The following MRC1 variants were observed in gnomAD, a reference collection of about 807,000 sequenced individuals.
The protein encoded by MRC1 is macrophage mannose receptor 1.
MRC1 carries 62 observed loss-of-function variants against 102.9 expected under a neutral mutation model. That is an observed-to-expected ratio of 0.60 (90% CI 0.49 to 0.74). The LOEUF (loss-of-function observed/expected upper bound fraction) is 0.74, where lower values mean the gene tolerates loss of function less well. Ranked by LOEUF, MRC1 falls within the 30% of genes least tolerant of loss-of-function variation. The pLI is 0.00. For missense variants in MRC1, 1,237 were observed against 862.8 expected (o/e 1.43, Z -5.43); for synonymous variants, 457 against 298.4 (o/e 1.53, Z -5.48).
chr10:17,866,664 C>A lies in MRC1; in HGVS notation c.1886C>A (p.Ala629Glu), dbSNP rs1205476782. Reference sequence around the variant, plus strand: ...GCAAAATTTGTGTGCAAGCACTGGGCAGAAGGAGTAACCCACCCACCGAAG... The same window carrying A: ...GCAAAATTTGTGTGCAAGCACTGGGAAGAAGGAGTAACCCACCCACCGAAG... ...EKAKFVCKHW[A>E]EGVTHPPKPT... The change falls in exon 12 of 30, where the codon GCA (alanine) becomes GAA (glutamate). Residue 629 changes from alanine (A) to glutamate (E), a missense_variant. By Grantham distance (107) the Ala-to-Glu change is moderately radical. Coordinates refer to ENST00000569591, the MANE Select transcript of MRC1 (RefSeq NM_002438.4). 3 of 780,662 alleles carry A rather than the reference C, an allele frequency of 3.8e-6. No homozygotes were observed. The highest frequency in any genetic ancestry group is 4.8e-6 in the Non-Finnish European group (2 of 417,956). 48.4% of individuals were successfully genotyped at this position (780,662 alleles called of 1,614,324 possible).
At chr10:17,868,325 G>T (rs894641107) in intron 12 of MRC1, among the ~76,000 whole-genome samples, 36 of 152,280 alleles carry the variant, frequency 2.4e-4, no homozygotes, top group Non-Finnish European at 3.4e-4. Flanking sequence ...CATGGTGGAA[G>T]GGGAAGCAGG....
At chr10:17,848,940 C>T (rs939148820) in intron 6 of MRC1, among the ~76,000 whole-genome samples, 3 of 152,136 alleles carry the variant, frequency 2.0e-5, no homozygotes, top group Non-Finnish European at 4.4e-5. Flanking sequence ...ACTAACCTGC[C>T]TCTCAAGAGT....
chr10:17,877,829 G>C, intron 17 of MRC1, 71 bp from the exon 18 acceptor site: 1 of 866,614 alleles, frequency 1.2e-6, no homozygotes, highest in East Asian at 2.4e-5. Flanking sequence ...TCATTAACAT[G>C]TATGTTTTGT....
chr10:17,822,589 C>G (rs1554838347), intron 1 of MRC1, among the ~76,000 whole-genome samples: 4 of 152,212 alleles, frequency 2.6e-5, no homozygotes, highest in Non-Finnish European at 1.5e-5. Flanking sequence ...CCACTGCACT[C>G]CAGCCTGAGC....
At chr10:17,820,128 T>C (rs1838373688) in intron 1 of MRC1, among the ~76,000 whole-genome samples, 3 of 152,266 alleles carry the variant, frequency 2.0e-5, no homozygotes, top group African/African-American at 7.2e-5. Context: ...ATTGAAATGA[T>C]CATCTCATCT....
rs998964634 is a variant in MRC1 at position 17,863,537 on chromosome 10, T to C, written c.1638T>C (p.Tyr546=). 20 of 780,738 alleles carry C rather than the reference T, an allele frequency of 2.6e-5. No homozygotes were observed. Among genetic ancestry groups the C allele is most frequent in the African/African-American group, 2.0e-4 (12 of 59,152 alleles). The allele number at this position is 780,738 out of a possible 1,614,324, so 48.4% of individuals were successfully genotyped here. Residue 546 remains tyrosine (Y), a synonymous_variant, in exon 11 of 30, where the codon TAT becomes TAC. Coordinates refer to ENST00000569591, the MANE Select transcript of MRC1 (RefSeq NM_002438.4). Reference sequence around the variant, plus strand: ...ATGTTAATTCTTCTTTTTAAAGATATGAACAAGCCTTCCTGACTAGTTTCG... The same window carrying C: ...ATGTTAATTCTTCTTTTTAAAGATACGAACAAGCCTTCCTGACTAGTTTCG... The part of the protein sequence containing the change: ...NAYLTTIEDR[Y]EQAFLTSFVG...
intron 6 of MRC1, 85 bp downstream of exon 6, chr10:17,845,520 T>C: frequency 1.3e-6 from 1 of 767,774 alleles, no homozygotes; most frequent in African/African-American, 1.7e-5. Context: ...ACTGTTGGAA[T>C]GCCGCCAGAG....
chr10:17,889,808 T>C (rs1833648719), intron 22 of MRC1, among the ~76,000 whole-genome samples: 2 of 152,264 alleles, frequency 1.3e-5, no homozygotes, highest in African/African-American at 2.4e-5. Context: ...ATATTATTCA[T>C]AGTTGTTTAA....
At chr10:17,888,634 T>C (rs1167643187) in intron 22 of MRC1, among the ~76,000 whole-genome samples, 1 of 152,204 alleles carries the variant, frequency 6.6e-6, no homozygotes, top group African/African-American at 2.4e-5. Context: ...GAATAGTTTA[T>C]GTGTTTTCTA....
chr10:17,903,063 T>C (rs1833850011), intron 26 of MRC1, among the ~76,000 whole-genome samples: 1 of 152,248 alleles, frequency 6.6e-6, no homozygotes, highest in African/African-American at 2.4e-5. Flanking sequence ...CTTTTTTGGC[T>C]ATTGTTTGCT....
intron 3 of MRC1, among the ~76,000 whole-genome samples, chr10:17,828,124 T>G (rs1006933057): frequency 3.9e-5 from 6 of 152,208 alleles, no homozygotes; most frequent in Admixed American, 2.0e-4. Context: ...TCTCCCAGGC[T>G]GGAGTGTGGT....
intron 18 of MRC1, among the ~76,000 whole-genome samples, chr10:17,878,312 A>ATAACCTTGC (rs1453708294): frequency 1.3e-5 from 2 of 152,192 alleles, no homozygotes; most frequent in African/African-American, 2.4e-5. Flanking sequence ...ATCTGGGATG[A>ATAACCTTGC]TAACCTTGCT....
chr10:17,834,011 A>C (rs991478295), intron 4 of MRC1, among the ~76,000 whole-genome samples, 172 bp downstream of exon 4: 33 of 152,220 alleles, frequency 2.2e-4, no homozygotes, highest in African/African-American at 7.2e-4. Context: ...AGGGATGGCA[A>C]ATAGCTCTCA....
intron 11 of MRC1, among the ~76,000 whole-genome samples, chr10:17,864,311 T>A (rs1833229318): frequency 6.6e-6 from 1 of 152,188 alleles, no homozygotes; most frequent in South Asian, 2.1e-4. Flanking sequence ...CCTGTTTGAC[T>A]TATTTCTGAA....
intron 19 of MRC1, 76 bp from the exon 20 acceptor site, chr10:17,880,449 T>C (rs1833497912): frequency 1.1e-5 from 8 of 758,234 alleles, no homozygotes; most frequent in Admixed American, 5.2e-5. Context: ...TCTTGTAAAA[T>C]AGAAATATAT....
At position 17,827,003 on chromosome 10, in the gene MRC1, G is replaced by GT. The variant is rs1295927202; in HGVS notation, c.464-531dup. ...TGTGTTTGGGCTATACAGCTTTAAGGTTTTTTTTAATCTAGAGATTCCAAA... is the reference window on the plus strand; with the variant it reads ...TGTGTTTGGGCTATACAGCTTTAAGGTTTTTTTTTAATCTAGAGATTCCAAA... On this transcript the variant is annotated intron_variant, in intron 2 of 29. Transcript: ENST00000569591. 6.0e-3 allele frequency among the ~76,000 whole-genome samples: 908 copies of GT among 151,994 alleles called. 11 individuals carry two copies. The highest frequency in any genetic ancestry group is 0.021 in the African/African-American group (850 of 41,458).
Position 17,823,193 on chromosome 10 carries a change from G to A in MRC1, c.181G>A (p.Val61Met). ...QDAESQKFRW[V>M]SESQIMSVAF... ...TGCCGAATCACAGAAATTCCGATGG[G>A]TGTCCGAATCTCAGATTATGAGTGT... is the stretch of plus-strand genomic sequence containing the variant. The change falls in exon 2 of 30, where the codon GTG becomes ATG. Residue 61 changes from valine to methionine, a missense_variant. Transcript: ENST00000569591. 1 of 780,816 alleles carries A rather than the reference G, an allele frequency of 1.3e-6. No individual in the cohort carries two copies. The highest frequency in any genetic ancestry group is 2.4e-6 in the Non-Finnish European group (1 of 417,952). The allele number at this position is 780,816 out of a possible 1,614,324, so 48.4% of individuals were successfully genotyped here. A position where few individuals can be genotyped will look rare whatever the true frequency, so the allele number is the denominator to read the frequency against.
chr10:17,856,092 C>T, intron 8 of MRC1, 150 bp from the exon 9 acceptor site: 1 of 655,256 alleles, frequency 1.5e-6, no homozygotes, highest in African/African-American at 1.9e-5. Flanking sequence ...ATCACTTGAA[C>T]CTGGGAGGCA....
intron 24 of MRC1, among the ~76,000 whole-genome samples, chr10:17,899,012 G>T (rs1316752612): frequency 6.6e-6 from 1 of 152,062 alleles, no homozygotes; most frequent in Admixed American, 6.6e-5. Flanking sequence ...GGACCAGTTG[G>T]GCTAGTGGGG....
Sources: allele counts gnomAD v4.1 joint callset (sites outside exome capture counted in the v4.1 genomes callset), GRCh38; gene constraint gnomAD v4.1.1; transcripts MANE v1.5; gene names NCBI Gene and HGNC (gene_info 2026-07-23, HGNC 2026-07-21).